Variants in TRIP4 observed in about 807,000 individuals in gnomAD.
The protein encoded by TRIP4 is activating signal cointegrator 1.
TRIP4 carries 54 observed loss-of-function variants against 81.8 expected under a neutral mutation model. The ratio of observed to expected loss-of-function variants is 0.66; its 90% CI spans 0.53 to 0.83. The LOEUF (loss-of-function observed/expected upper bound fraction) is 0.83, where lower values mean the gene tolerates loss of function less well. Among genes scored for constraint, TRIP4 ranks in the 40% least tolerant of loss-of-function variants. The probability of loss-of-function intolerance (pLI) is 0.00; values close to 1 mark genes in which losing one functional copy is unlikely to be tolerated. For synonymous variants in TRIP4, 270 were observed against 242.8 expected, an observed-to-expected ratio of 1.11 and a Z score of -1.04; for missense variants, 662 against 683.6, an observed-to-expected ratio of 0.97 and a Z score of 0.35.
At chr15:64,428,632 G>A (rs1382266083) in intron 11 of TRIP4, among the ~76,000 whole-genome samples, 3 of 151,670 alleles carry the variant, frequency 2.0e-5, no homozygotes, top group Admixed American at 1.3e-4. Context: ...TTTTTGAGAC[G>A]GAGTCTCACT....
intron 11 of TRIP4, among the ~76,000 whole-genome samples, chr15:64,426,725 G>A (rs1427441348): frequency 7.1e-6 from 1 of 141,686 alleles, no homozygotes; most frequent in Non-Finnish European, 1.5e-5. Flanking sequence ...AAAAAGATGG[G>A]CATGGTGGCT....
chr15:64,424,954 T>C (rs566445182), intron 10 of TRIP4, among the ~76,000 whole-genome samples: 7 of 152,226 alleles, frequency 4.6e-5, no homozygotes, highest in African/African-American at 1.2e-4. Flanking sequence ...TTTTTGTATT[T>C]TTAGTAGAGA....
chr15:64,406,555 T>A (rs545502958), intron 6 of TRIP4, 96 bp downstream of exon 6: 835 of 1,438,994 alleles, frequency 5.8e-4, no homozygotes, highest in Non-Finnish European at 7.4e-4. Context: ...AAGTGGAGTG[T>A]GAAAGAGTTT....
chr15:64,414,390 A>G (rs998796471), intron 8 of TRIP4, among the ~76,000 whole-genome samples, 179 bp downstream of exon 8: 1 of 151,666 alleles, frequency 6.6e-6, no homozygotes, highest in Admixed American at 6.6e-5. Context: ...TTCCATTTTT[A>G]TTGCAGTACT....
chr15:64,440,053 T>G (rs1359306256), intron 11 of TRIP4, among the ~76,000 whole-genome samples: 1 of 151,140 alleles, frequency 6.6e-6, no homozygotes, highest in Non-Finnish European at 1.5e-5. Context: ...CAAAAGAAAT[T>G]TATATATATA....
chr15:64,419,257 A>G (rs887922083), intron 9 of TRIP4, among the ~76,000 whole-genome samples: 1 of 152,226 alleles, frequency 6.6e-6, no homozygotes, highest in Non-Finnish European at 1.5e-5. Context: ...AGTAGGGGAA[A>G]TTGAGATAAG....
Position 64,400,765 on chromosome 15 carries a change from A to G in TRIP4, c.641A>G (p.Asp214Gly), listed in dbSNP as rs748194484. 3 of 1,614,092 alleles carry G rather than the reference A, an allele frequency of 1.9e-6. No homozygotes were observed. The highest frequency in any genetic ancestry group is 1.7e-6 in the Non-Finnish European group (2 of 1,179,984). ...CAGGTGTGTACTCATGAGGAACAAG[A>G]TATTTTACAGCGTGACTCAAACAAG... The part of the protein sequence containing the change: ...GTLVCTHEEQ[D>G]ILQRDSNKSQ... The change falls in exon 5 of 13, where the codon GAT (aspartate) becomes GGT (glycine). Residue 214 changes from aspartate (D) to glycine (G), a missense_variant. Transcript: ENST00000261884.
At chr15:64,447,683 C>T (rs1424214000) in intron 12 of TRIP4, among the ~76,000 whole-genome samples, 1 of 152,042 alleles carries the variant, frequency 6.6e-6, no homozygotes, top group Non-Finnish European at 1.5e-5. Context: ...GCCCAGTAGC[C>T]CTGGAAATCC....
chr15:64,414,225 T>G lies in TRIP4; in HGVS notation c.1170+14T>G. 6.2e-7 allele frequency: 1 copy of G among 1,612,138 alleles called. No individual in the cohort carries two copies. The highest frequency in any genetic ancestry group is 1.1e-5 in the South Asian group (1 of 90,740). ...TCCCCTCCCCAGGTTAGTGGACCTT[T>G]GCTCTAACTGTTAATAAGAAGTTTG... On this transcript the variant is annotated intron_variant, in intron 8 of 12. Transcript: ENST00000261884.
chr15:64,420,269 G>T (rs1242955928), intron 9 of TRIP4, among the ~76,000 whole-genome samples: 1 of 150,098 alleles, frequency 6.7e-6, no homozygotes. Flanking sequence ...TCACACGCAT[G>T]TGCCACCACG....
At chr15:64,446,742 G>T (rs1892641195) in intron 12 of TRIP4, among the ~76,000 whole-genome samples, 1 of 151,858 alleles carries the variant, frequency 6.6e-6, no homozygotes, top group African/African-American at 2.4e-5. Context: ...TTGAGACAGG[G>T]TCTAGCTGGG....
intron 11 of TRIP4, among the ~76,000 whole-genome samples, chr15:64,435,525 CA>C (rs35102130): frequency 0.73 from 78,889 of 108,204 alleles, 27,960 homozygotes; most frequent in East Asian, 0.91. Flanking sequence ...GACTCTGTCT[CA>C]AAAAAAAAAA....
intron 8 of TRIP4, among the ~76,000 whole-genome samples, chr15:64,418,108 TTTGTTGTTG>T (rs570595221): frequency 1.3e-5 from 2 of 151,948 alleles, no homozygotes; most frequent in African/African-American, 4.8e-5. Flanking sequence ...TTATTTTTCA[TTTGTTGTTG>T]TTGTTGTTGT....
At chr15:64,403,217 C>T (rs549666768) in intron 5 of TRIP4, among the ~76,000 whole-genome samples, 88 of 151,782 alleles carry the variant, frequency 5.8e-4, no homozygotes, top group African/African-American at 1.9e-3. Flanking sequence ...AGTGCAGTGG[C>T]GCAATCTTGG....
intron 9 of TRIP4, among the ~76,000 whole-genome samples, chr15:64,419,457 C>T (rs1891960763): frequency 6.6e-6 from 1 of 151,860 alleles, no homozygotes; most frequent in Non-Finnish European, 1.5e-5. Flanking sequence ...CTCCCAGGTT[C>T]ACGCCATTCT....
At chr15:64,432,075 C>T (rs1240734457) in intron 11 of TRIP4, among the ~76,000 whole-genome samples, 1 of 150,314 alleles carries the variant, frequency 6.7e-6, no homozygotes, top group Non-Finnish European at 1.5e-5. Context: ...TTAGTAGAGA[C>T]AGGGTTTCAC....
intron 3 of TRIP4, among the ~76,000 whole-genome samples, chr15:64,396,487 C>T (rs1894914821): frequency 6.6e-6 from 1 of 152,040 alleles, no homozygotes; most frequent in South Asian, 2.1e-4. Flanking sequence ...CCATGTTGGC[C>T]AGGCTGGTCT....
intron 12 of TRIP4, among the ~76,000 whole-genome samples, chr15:64,449,946 T>C (rs1477913829): frequency 6.6e-6 from 1 of 152,226 alleles, no homozygotes; most frequent in Non-Finnish European, 1.5e-5. Flanking sequence ...TGACTTTCTT[T>C]TAGGCACTAT....
intron 12 of TRIP4, among the ~76,000 whole-genome samples, chr15:64,449,736 G>A (rs142319345): frequency 6.6e-6 from 1 of 152,218 alleles, no homozygotes; most frequent in Non-Finnish European, 1.5e-5. Context: ...ATACAATAGG[G>A]TATCACCTGG....
Sources: gnomAD v4.1 joint callset for allele counts (sites outside exome capture counted in the v4.1 genomes callset) on GRCh38, gnomAD v4.1.1 for gene constraint, MANE v1.5 for transcripts, NCBI Gene and HGNC (gene_info 2026-07-23, HGNC 2026-07-21) for gene names.